PPARD: variants seen among roughly 807,000 people sequenced by gnomAD.
PPARD encodes peroxisome proliferator activated receptor delta, also known as peroxisome proliferator-activated receptor delta.
A neutral mutation model predicts 39.5 loss-of-function variants in PPARD; 6 were observed. That is an observed-to-expected ratio of 0.15 (90% CI 0.08 to 0.30). The LOEUF (loss-of-function observed/expected upper bound fraction) is 0.30. Among genes scored for constraint, PPARD ranks in the 10% least tolerant of loss-of-function variants. The pLI is 1.00. For missense variants in PPARD, 397 were observed against 596.8 expected, an observed-to-expected ratio of 0.67 and a Z score of 3.49; for synonymous variants, 210 against 231.3, an observed-to-expected ratio of 0.91 and a Z score of 0.83.
chr6:35,389,531 T>G (rs960863400), intron 2 of PPARD, among the ~76,000 whole-genome samples: 3 of 152,116 alleles, frequency 2.0e-5, no homozygotes, highest in Non-Finnish European at 4.4e-5. Flanking sequence ...CAGGCTGATC[T>G]TGAACTCCTG....
rs184122094 is a variant in PPARD, at chr6:35,382,594, G to C, written c.-101-28393G>C. 2.6e-5 allele frequency among the ~76,000 whole-genome samples: 4 copies of C among 152,306 alleles called. No individual in the cohort carries two copies. In the East Asian group the frequency reaches 7.7e-4, roughly 29 times the overall value. On this transcript the variant is annotated intron_variant, in intron 2 of 7. Coordinates refer to ENST00000360694, the MANE Select transcript of PPARD (RefSeq NM_006238.5). ...ACATTATCTTTCATTTTGATCCCAA[G>C]AACATCTATTGCTGTTTCCTTTGGG...
chr6:35,423,902 G>T, intron 5 of PPARD, 44 bp from the exon 6 acceptor site: 3 of 1,598,268 alleles, frequency 1.9e-6, no homozygotes, highest in Non-Finnish European at 1.7e-6. Flanking sequence ...AGAGGTGCTG[G>T]GGCCTGCCTG....
chr6:35,420,088 G>C, intron 3 of PPARD, 39 bp from the exon 4 acceptor site: 1 of 1,599,490 alleles, frequency 6.3e-7, no homozygotes, highest in Non-Finnish European at 8.5e-7. Context: ...TTCCAGGCCT[G>C]GCAGCATGTG....
intron 1 of PPARD, among the ~76,000 whole-genome samples, chr6:35,346,403 C>T (rs773507731): frequency 2.6e-5 from 4 of 152,222 alleles, no homozygotes; most frequent in Non-Finnish European, 5.9e-5. Context: ...CTGCCAGGCC[C>T]TTGCTTATAT....
At position 35,347,053 on chromosome 6, in the gene PPARD, T is replaced by G; in HGVS notation, c.-185-14T>G. 6.6e-7 allele frequency: 1 copy of G among 1,509,510 alleles called. No homozygotes were observed. The highest frequency in any genetic ancestry group is 1.2e-5 in the South Asian group (1 of 81,856). 93.5% of individuals were successfully genotyped at this position (1,509,510 alleles called of 1,614,324 possible). On this transcript the variant is annotated splice_polypyrimidine_tract_variant and intron_variant, in intron 1 of 7. Coordinates refer to ENST00000360694, the MANE Select transcript of PPARD (RefSeq NM_006238.5). ...CTGTCAGCTAAAGCTGTTGGGGTTT[T>G]TTCTATCCTGCAGTGTTGTACAGTG...
At chr6:35,413,170 TC>T (rs1327707121) in intron 3 of PPARD, among the ~76,000 whole-genome samples, 1 of 152,172 alleles carries the variant, frequency 6.6e-6, no homozygotes, top group African/African-American at 2.4e-5. Context: ...GCATCACTGT[TC>T]CCGTGCAGGC....
intron 2 of PPARD, among the ~76,000 whole-genome samples, chr6:35,384,351 G>C (rs1446812469): frequency 2.1e-5 from 3 of 140,762 alleles, no homozygotes; most frequent in Non-Finnish European, 4.7e-5. Flanking sequence ...CCGTCTGGGA[G>C]GTGAGGGGCG....
At chr6:35,354,262 C>A (rs1582280066) in intron 2 of PPARD, among the ~76,000 whole-genome samples, 1 of 144,314 alleles carries the variant, frequency 6.9e-6, no homozygotes. Context: ...AAGCGATACA[C>A]ATTCAACAGA....
chr6:35,420,360 G>A (rs1448774248), intron 4 of PPARD, 79 bp downstream of exon 4: 10 of 1,487,000 alleles, frequency 6.7e-6, no homozygotes, highest in Non-Finnish European at 8.9e-6. Flanking sequence ...AGCTTTCCTT[G>A]CCTTGGGGTG....
At chr6:35,423,906 C>T (rs200376347) in intron 5 of PPARD, 40 bp from the exon 6 acceptor site, 97 of 1,604,926 alleles carry the variant, frequency 6.0e-5, no homozygotes, top group South Asian at 5.2e-4. Flanking sequence ...GTGCTGGGGC[C>T]TGCCTGGGCT....
At position 35,412,283 on chromosome 6, in the gene PPARD, T is replaced by G. The variant is rs775237268; in HGVS notation, c.130+1066T>G. 1.3e-5 allele frequency among the ~76,000 whole-genome samples: 2 copies of G among 152,178 alleles called. No individual in the cohort carries two copies. Among genetic ancestry groups the G allele is most frequent in the Non-Finnish European group, 2.9e-5 (2 of 68,026 alleles). ...ACCACTTCTCTCCTTACCCAAGTGC[T>G]GCAGGCCTGCACATGCAGCTCATCC... is the stretch of plus-strand genomic sequence containing the variant. On this transcript the variant is annotated intron_variant, in intron 3 of 7. Coordinates refer to ENST00000360694, the MANE Select transcript of PPARD (RefSeq NM_006238.5). This position sits in a 1 kb window ranked among gnomAD's most constrained non-coding sequence, Gnocchi z 4.1.
chr6:35,420,222 G>C lies in PPARD; in HGVS notation c.226G>C (p.Val76Leu), dbSNP rs1766053573. The C allele has an allele frequency of 1.2e-6, 2 of 1,610,324 alleles. No individual in the cohort carries two copies. Among genetic ancestry groups the C allele is most frequent in the Non-Finnish European group, 1.7e-6 (2 of 1,178,002 alleles). Residue 76 changes from valine (V) to leucine (L), a missense_variant, in exon 4 of 8, where the codon GTG becomes CTG. Transcript: ENST00000360694. ...SCGSLNMECR[V>L]CGDKASGFHY... The stretch of plus-strand genomic sequence containing the variant: ...CGGCAGCCTCAACATGGAGTGCCGG[G>C]TGTGCGGGGACAAGGCATCGGGCTT...
chr6:35,394,668 G>A (rs1350187094), intron 2 of PPARD, among the ~76,000 whole-genome samples: 1 of 151,888 alleles, frequency 6.6e-6, no homozygotes, highest in East Asian at 1.9e-4. Context: ...TTACCTGGGA[G>A]GCTGAGGTGG....
intron 2 of PPARD, among the ~76,000 whole-genome samples, chr6:35,351,861 CTTTTTTTTTT>C (rs774957372): frequency 0.034 from 2,961 of 87,458 alleles, 71 homozygotes; most frequent in Middle Eastern, 0.15. Flanking sequence ...CACACCCAGC[CTTTTTTTTTT>C]TTTTTTTTTT....
intron 2 of PPARD, among the ~76,000 whole-genome samples, chr6:35,388,303 CAGAG>C (rs1349429904): frequency 6.6e-6 from 1 of 152,150 alleles, no homozygotes; most frequent in African/African-American, 2.4e-5. Context: ...CATATCCACT[CAGAG>C]AGAACATGAG....
At chr6:35,360,091 CAG>C (rs1345149809) in intron 2 of PPARD, among the ~76,000 whole-genome samples, 1 of 152,076 alleles carries the variant, frequency 6.6e-6, no homozygotes, top group Non-Finnish European at 1.5e-5. Flanking sequence ...GGGCCTCCTG[CAG>C]AGTCTCATTC....
At chr6:35,358,303 CTG>C (rs1206110622) in intron 2 of PPARD, among the ~76,000 whole-genome samples, 1 of 152,202 alleles carries the variant, frequency 6.6e-6, no homozygotes, top group African/African-American at 2.4e-5. Context: ...GGCAAGGAAA[CTG>C]TTTTCCCTTA....
At chr6:35,396,194 T>C (rs1764301678) in intron 2 of PPARD, among the ~76,000 whole-genome samples, 1 of 151,924 alleles carries the variant, frequency 6.6e-6, no homozygotes, top group African/African-American at 2.4e-5. Flanking sequence ...CTTAAGTATT[T>C]TATTTCTTCT....
chr6:35,398,486 G>A lies in PPARD; in HGVS notation c.-101-12501G>A, dbSNP rs78252804. ...AGGCTTGTGCTGCCATTGGACATCC[G>A]TGTGGAGGTGTCAGAGAAGCTGGCC... On this transcript the variant is annotated intron_variant, in intron 2 of 7. Transcript: ENST00000360694. Among the ~76,000 whole-genome samples the A allele has an allele frequency of 6.4e-4, 97 of 152,312 alleles. No homozygotes were observed. In the East Asian group the frequency reaches 0.014, roughly 23 times the overall value.
Sources: gnomAD v4.1 joint callset for allele counts (sites outside exome capture counted in the v4.1 genomes callset) on GRCh38, gnomAD v4.1.1 for gene constraint, Gnocchi (gnomAD v3.1) non-coding constraint, MANE v1.5 for transcripts, NCBI Gene and HGNC (gene_info 2026-07-23, HGNC 2026-07-21) for gene names.